The following TRIM27 variants were observed in gnomAD, a reference collection of about 807,000 sequenced individuals.
TRIM27 encodes the protein tripartite motif containing 27, also known as zinc finger protein RFP.
Under a neutral mutation model 57.6 loss-of-function variants are expected in TRIM27, and 12 were observed. The ratio of observed to expected loss-of-function variants is 0.21; its 90% CI spans 0.13 to 0.34. The LOEUF (loss-of-function observed/expected upper bound fraction) is 0.34, where lower values mean the gene tolerates loss of function less well. Among genes scored for constraint, TRIM27 ranks in the 10% least tolerant of loss-of-function variants. The pLI, the probability that TRIM27 is intolerant of heterozygous loss-of-function variation, is 1.00. For synonymous variants in TRIM27, 266 were observed against 259.0 expected (o/e 1.03, Z -0.26); for missense variants, 403 against 656.8 (o/e 0.61, Z 4.22).
intron 3 of TRIM27, among the ~76,000 whole-genome samples, chr6:28,912,039 CTTTCTT>C (rs1432318511): frequency 6.7e-6 from 1 of 149,886 alleles, no homozygotes; most frequent in African/African-American, 2.4e-5. Context: ...GTCCAGCTTG[CTTTCTT>C]TTTATTATGA....
chr6:28,918,711 A>T (rs1312664195), intron 3 of TRIM27, among the ~76,000 whole-genome samples: 1 of 151,860 alleles, frequency 6.6e-6, no homozygotes. Context: ...CCCCGTCTCT[A>T]CTAAAAATAC....
At chr6:28,906,515 G>C (rs940452383) in intron 7 of TRIM27, 1 of 152,124 alleles carries the variant, frequency 6.6e-6, no homozygotes, top group Non-Finnish European at 1.5e-5. Flanking sequence ...ATGCTCTTCT[G>C]TTCCTCTAAA....
At chr6:28,922,982 G>A (rs1208079968) in intron 1 of TRIM27, among the ~76,000 whole-genome samples, 3 of 152,268 alleles carry the variant, frequency 2.0e-5, no homozygotes, top group South Asian at 2.1e-4. Flanking sequence ...GGTAACATGG[G>A]GGTAAACAGA....
chr6:28,905,836 GAA>G (rs1772729967), intron 7 of TRIM27: 1 of 152,176 alleles, frequency 6.6e-6, no homozygotes, highest in Non-Finnish European at 1.5e-5. Context: ...TTACTGTTCT[GAA>G]ATCTAAAACT....
At chr6:28,907,706 T>G in intron 6 of TRIM27, 1 of 416,236 alleles carries the variant, frequency 2.4e-6, no homozygotes, top group Non-Finnish European at 4.8e-6. Context: ...TAAGGCACTT[T>G]ATAGTTGAAA....
Position 28,923,204 on chromosome 6 carries a change from C to G in TRIM27, c.420+9G>C. 1 of 1,548,360 alleles carries G rather than the reference C, an allele frequency of 6.5e-7. No individual in the cohort carries two copies. The highest frequency in any genetic ancestry group is 8.7e-7 in the Non-Finnish European group (1 of 1,142,960). Reference sequence around the variant, plus strand: ...TCGCGCTCCCGCCCTCCCGGATCCGCGCCCTCACCTTGAAGCCCTCCACCG... The same window carrying G: ...TCGCGCTCCCGCCCTCCCGGATCCGGGCCCTCACCTTGAAGCCCTCCACCG... On this transcript the variant is annotated intron_variant, in intron 1 of 7. Coordinates refer to ENST00000377199, the MANE Select transcript of TRIM27 (RefSeq NM_006510.5).
In TRIM27 at chr6:28,919,185, A is replaced by G. The variant is rs917361827; in HGVS notation, c.747+827T>C. The stretch of plus-strand genomic sequence containing the variant: ...ACCGCCATGCCTGGCTAATTTTTGT[A>G]TTTTTAGTAGAGACGGGGTTTCCCC... On this transcript the variant is annotated intron_variant, in intron 3 of 7. Transcript: ENST00000377199. Among the ~76,000 whole-genome samples the G allele has an allele frequency of 2.6e-5, 4 of 151,796 alleles. No individual in the cohort carries two copies. The East Asian group carries it at 5.9e-4, about 22-fold the overall frequency.
chr6:28,911,189 G>A (rs1410888849), intron 4 of TRIM27: 4 of 144,882 alleles, frequency 2.8e-5, no homozygotes, highest in Admixed American at 1.4e-4. Flanking sequence ...TGTTCCAGCT[G>A]CCAGGGAGTT....
In TRIM27 at chr6:28,923,747, AG is replaced by A; in HGVS notation, c.-116del. 1 of 1,220,698 alleles carries A rather than the reference AG, an allele frequency of 8.2e-7. No individual in the cohort carries two copies. The highest frequency in any genetic ancestry group is 1.1e-6 in the Non-Finnish European group (1 of 907,310). 75.6% of individuals were successfully genotyped at this position (1,220,698 alleles called of 1,614,324 possible). Reference sequence around the variant, plus strand: ...TTCCTGAGAGGCACCGGGCGGACGGAGGGCGGCGCCTCCCGGGCCCGTATCC... The same window carrying A: ...TTCCTGAGAGGCACCGGGCGGACGGAGGCGGCGCCTCCCGGGCCCGTATCC... On this transcript the variant is annotated 5_prime_UTR_variant, in exon 1 of 8. Coordinates refer to ENST00000377199, the MANE Select transcript of TRIM27 (RefSeq NM_006510.5).
intron 3 of TRIM27, 87 bp downstream of exon 3, chr6:28,919,925 G>A: frequency 7.9e-7 from 1 of 1,273,382 alleles, no homozygotes; most frequent in Non-Finnish European, 1.1e-6. Flanking sequence ...TTAAAAAGAA[G>A]ACAGGGGGTC....
rs530199229 is a variant in TRIM27, at chr6:28,919,446, A to T, written c.747+566T>A. Among the ~76,000 whole-genome samples, 3 of 152,312 alleles carry T rather than the reference A, an allele frequency of 2.0e-5. No homozygotes were observed. The East Asian group carries it at 5.8e-4, about 29-fold the overall frequency. The stretch of plus-strand genomic sequence containing the variant: ...AATAGTGCCTGACACAAAGCAAATA[A>T]TTAATACGCACTGAATGAGCAAACG... On this transcript the variant is annotated intron_variant, in intron 3 of 7. Transcript: ENST00000377199.
intron 1 of TRIM27, among the ~76,000 whole-genome samples, 158 bp from the exon 2 acceptor site, chr6:28,922,145 A>T (rs1487986013): frequency 6.6e-6 from 1 of 152,200 alleles, no homozygotes; most frequent in Non-Finnish European, 1.5e-5. Context: ...CTCAGGGCGC[A>T]GGGGCAAACA....
At chr6:28,908,769 C>A in intron 6 of TRIM27, 39 bp downstream of exon 6, 1 of 1,607,968 alleles carries the variant, frequency 6.2e-7, no homozygotes, top group Non-Finnish European at 8.5e-7. Context: ...TTTTTCCAAG[C>A]AACTTTACAT....
chr6:28,904,634 G>A lies in TRIM27; in HGVS notation c.978C>T (p.Tyr326=), dbSNP rs1228991701. 1.3e-6 allele frequency: 2 copies of A among 1,599,678 alleles called. No homozygotes were observed. Among genetic ancestry groups the A allele is most frequent in the South Asian group, 1.1e-5 (1 of 91,070 alleles). Residue 326 remains tyrosine, a synonymous_variant, in exon 8 of 8, where the codon TAC becomes TAT. Transcript: ENST00000377199. The surrounding 1 kb of genome is among the most constrained non-coding windows in gnomAD (Gnocchi z 6.1). Reference sequence around the variant, plus strand: ...GATTATCAGAGAGGATCAGGCTGGGGTAGGCCGTGTCTGGGTCCAGAGTCA... The same window carrying A: ...GATTATCAGAGAGGATCAGGCTGGGATAGGCCGTGTCTGGGTCCAGAGTCA... ...VDVTLDPDTA[Y]PSLILSDNLR...
At position 28,903,782 on chromosome 6, in the gene TRIM27, T is replaced by A; in HGVS notation, c.*288A>T. 2.3e-6 allele frequency: 1 copy of A among 425,662 alleles called. No individual in the cohort carries two copies. Among genetic ancestry groups the A allele is most frequent in the Non-Finnish European group, 4.2e-6 (1 of 239,802 alleles). The allele number at this position is 425,662 out of a possible 1,614,324, so 26.4% of individuals were successfully genotyped here. The stretch of plus-strand genomic sequence containing the variant: ...TGAACGGCTCTCCAAATCCAAAGAT[T>A]ATCCATACTCTTTATCCCTCCAGCG... On this transcript the variant is annotated 3_prime_UTR_variant, in exon 8 of 8. Coordinates refer to ENST00000377199, the MANE Select transcript of TRIM27 (RefSeq NM_006510.5).
rs1774243130 is a variant in TRIM27, at chr6:28,923,655, C to A, written c.-23G>T. The stretch of plus-strand genomic sequence containing the variant: ...CATGGCGCCGGCCTGCGGGGGCGCA[C>A]GGGCATGGGCCCCGGCGCCGAGCTC... On this transcript the variant is annotated 5_prime_UTR_variant, in exon 1 of 8. Coordinates refer to ENST00000377199, the MANE Select transcript of TRIM27 (RefSeq NM_006510.5). 2.6e-6 allele frequency: 4 copies of A among 1,519,900 alleles called. No homozygotes were observed. Among genetic ancestry groups the A allele is most frequent in the Non-Finnish European group, 3.5e-6 (4 of 1,129,034 alleles). The allele number at this position is 1,519,900 out of a possible 1,614,324, so 94.2% of individuals were successfully genotyped here. A position where few individuals can be genotyped will look rare whatever the true frequency, so the allele number is the denominator to read the frequency against.
At chr6:28,909,860 C>G (rs769822243) in intron 4 of TRIM27, among the ~76,000 whole-genome samples, 3 of 152,198 alleles carry the variant, frequency 2.0e-5, no homozygotes, top group Non-Finnish European at 4.4e-5. Flanking sequence ...CTTCTGCCAT[C>G]TTCTGCCTTT....
chr6:28,909,118 T>C (rs1270237135), intron 4 of TRIM27, 30 bp from the exon 5 acceptor site: 2 of 1,554,074 alleles, frequency 1.3e-6, no homozygotes, highest in Admixed American at 1.8e-5. Context: ...GTAAATTTTT[T>C]TTTTTTTTGA....
At chr6:28,906,174 G>C (rs1358585911) in intron 7 of TRIM27, 1 of 151,604 alleles carries the variant, frequency 6.6e-6, no homozygotes, top group Non-Finnish European at 1.5e-5. Context: ...CTGCACACCA[G>C]CCTGGGCAAC....
Sources: allele counts gnomAD v4.1 joint callset (sites outside exome capture counted in the v4.1 genomes callset), GRCh38; gene constraint gnomAD v4.1.1; non-coding constraint Gnocchi (gnomAD v3.1); transcripts MANE v1.5; gene names NCBI Gene and HGNC (gene_info 2026-07-23, HGNC 2026-07-21).